The following TMX2 variants were observed in gnomAD, a reference collection of about 807,000 sequenced individuals.
TMX2 encodes thioredoxin related transmembrane protein 2, also known as thioredoxin-related transmembrane protein 2.
A neutral mutation model predicts 33.4 loss-of-function variants in TMX2; 20 were observed. The observed-to-expected ratio is 0.60, with a 90% CI of 0.42 to 0.87. TMX2 has a LOEUF of 0.87. TMX2 is among the 40% of genes least tolerant of loss of function. The probability of loss-of-function intolerance (pLI) is 0.00; values close to 1 mark genes in which losing one functional copy is unlikely to be tolerated. For synonymous variants in TMX2, 166 were observed against 140.7 expected (o/e 1.18, Z -1.27); for missense variants, 340 against 370.7 (o/e 0.92, Z 0.68).
Position 57,739,002 on chromosome 11 carries a change from A to T in TMX2, c.577A>T (p.Lys193Ter). The T allele has an allele frequency of 6.2e-7, 1 of 1,613,992 alleles. No homozygotes were observed. Among genetic ancestry groups the T allele is most frequent in the Non-Finnish European group, 8.5e-7 (1 of 1,179,998 alleles). ...KYNCTGLNFG[K>*]VDVGRYTDVS... is the part of the protein sequence containing the mutation. ...CAACTGTACAGGGCTAAATTTTGGG[A>T]AGGTGGATGTTGGACGCTATACTGA... Residue 193 changes from lysine to a stop codon, truncating the protein, a stop_gained, in exon 6 of 8, where the codon AAG becomes TAG. Transcript: ENST00000278422. LOFTEE classifies it high-confidence loss of function.
intron 1 of TMX2, among the ~76,000 whole-genome samples, chr11:57,737,170 G>A (rs554888864): frequency 6.6e-6 from 1 of 152,268 alleles, no homozygotes; most frequent in Admixed American, 6.5e-5. Context: ...GCGGTGGCTC[G>A]TGCCTGTAAT....
At position 57,732,555 on chromosome 11, in the gene TMX2, T is replaced by C. The variant is rs1052244704; in HGVS notation, c.190-5053T>C. Among the ~76,000 whole-genome samples the C allele has an allele frequency of 1.6e-4, 25 of 152,334 alleles. 1 individual carries two copies. The highest frequency in any genetic ancestry group is 1.3e-3 in the East Asian group (7 of 5,196). ...AAGTTCATTTACCTGTATACTCTTA[T>C]CTAATATGCAAAATGCTGGAAGTTT... On this transcript the variant is annotated intron_variant, in intron 1 of 7. Coordinates refer to ENST00000278422, the MANE Select transcript of TMX2 (RefSeq NM_015959.4).
intron 1 of TMX2, among the ~76,000 whole-genome samples, chr11:57,729,126 A>G (rs1218041213): frequency 6.6e-6 from 1 of 152,120 alleles, no homozygotes; most frequent in East Asian, 1.9e-4. Context: ...CTAAGGAGAA[A>G]AAAAAAAGGC....
chr11:57,723,968 A>G (rs576991314), intron 1 of TMX2, among the ~76,000 whole-genome samples: 64 of 151,878 alleles, frequency 4.2e-4, no homozygotes, highest in South Asian at 1.9e-3. Flanking sequence ...AAAATAGTCA[A>G]TATAGGGGAA....
chr11:57,720,098 G>A (rs1420655604), intron 1 of TMX2, among the ~76,000 whole-genome samples: 2 of 147,190 alleles, frequency 1.4e-5, no homozygotes, highest in Non-Finnish European at 3.0e-5. Flanking sequence ...AAATCAGCCT[G>A]GCCAACGTGG....
In TMX2 at chr11:57,739,004, G is replaced by T. The variant is rs751057907; in HGVS notation, c.579G>T (p.Lys193Asn). 3.1e-6 allele frequency: 5 copies of T among 1,613,968 alleles called. No homozygotes were observed. The highest frequency in any genetic ancestry group is 4.2e-6 in the Non-Finnish European group (5 of 1,180,022). The change falls in exon 6 of 8, where the codon AAG becomes AAT. Residue 193 changes from lysine to asparagine, a missense_variant. Physicochemically the swap from Lys to Asn is moderately conservative, Grantham distance 94 (BLOSUM62 0). Coordinates refer to ENST00000278422, the MANE Select transcript of TMX2 (RefSeq NM_015959.4). ...KYNCTGLNFG[K>N]VDVGRYTDVS... ...ACTGTACAGGGCTAAATTTTGGGAA[G>T]GTGGATGTTGGACGCTATACTGATG...
At position 57,739,123 on chromosome 11, in the gene TMX2, C is replaced by T. The variant is rs759072926; in HGVS notation, c.615-8C>T. On this transcript the variant is annotated splice_region_variant and splice_polypyrimidine_tract_variant and intron_variant, in intron 6 of 7. Coordinates refer to ENST00000278422, the MANE Select transcript of TMX2 (RefSeq NM_015959.4). ...AGGGACATTTAGAGAACTTTCTGGG[C>T]CCTGCAGGTACAAAGTGAGCACATC... 2 of 1,614,130 alleles carry T rather than the reference C, an allele frequency of 1.2e-6. No homozygotes were observed. The highest frequency in any genetic ancestry group is 1.7e-6 in the Non-Finnish European group (2 of 1,180,016).
At chr11:57,715,581 G>GT (rs1355236642) in intron 1 of TMX2, among the ~76,000 whole-genome samples, 1 of 82,970 alleles carries the variant, frequency 1.2e-5, no homozygotes, top group African/African-American at 5.4e-5. Flanking sequence ...CTTAGAATTT[G>GT]TTTTCTTTTT....
At position 57,737,723 on chromosome 11, in the gene TMX2, G is replaced by C. The variant is rs1948838827; in HGVS notation, c.250+55G>C. On this transcript the variant is annotated intron_variant, in intron 2 of 7. Coordinates refer to ENST00000278422, the MANE Select transcript of TMX2 (RefSeq NM_015959.4). ...GTTAGATCTAATGCCCTTTGGAGGTGCTTTGCTTCATGTTAAGAGAGTGGC... is the reference window on the plus strand; with the variant it reads ...GTTAGATCTAATGCCCTTTGGAGGTCCTTTGCTTCATGTTAAGAGAGTGGC... 1.9e-6 allele frequency: 3 copies of C among 1,580,788 alleles called. No homozygotes were observed. The Admixed American group carries it at 5.0e-5, about 26-fold the overall frequency.
At position 57,714,122 on chromosome 11, in the gene TMX2, T is replaced by C. The variant is rs116555302; in HGVS notation, c.189+1315T>C. Among the ~76,000 whole-genome samples the C allele has an allele frequency of 6.5e-3, 986 of 152,310 alleles. 9 individuals are homozygous for C. The highest frequency in any genetic ancestry group is 0.023 in the African/African-American group (948 of 41,562). On this transcript the variant is annotated intron_variant, in intron 1 of 7. Transcript: ENST00000278422. ...TGGGGTGTGAGTCCCTGGTCTTCTTTATTTCCTTTGTCTGAAACTTCCTTA... is the reference window on the plus strand; with the variant it reads ...TGGGGTGTGAGTCCCTGGTCTTCTTCATTTCCTTTGTCTGAAACTTCCTTA...
At chr11:57,738,106 A>G in intron 3 of TMX2, 80 bp downstream of exon 3, 2 of 1,156,880 alleles carry the variant, frequency 1.7e-6, no homozygotes, top group South Asian at 1.5e-5. Context: ...CACAGTCCCA[A>G]CAGTTGCAAT....
At chr11:57,725,097 G>C (rs1947894989) in intron 1 of TMX2, among the ~76,000 whole-genome samples, 2 of 151,966 alleles carry the variant, frequency 1.3e-5, no homozygotes, top group African/African-American at 4.8e-5. Flanking sequence ...CTAATTGGGG[G>C]ATGTTTTCCC....
Position 57,720,441 on chromosome 11 carries a change from C to T in TMX2, c.189+7634C>T, listed in dbSNP as rs189894292. Among the ~76,000 whole-genome samples the T allele has an allele frequency of 4.6e-5, 7 of 152,292 alleles. No individual in the cohort carries two copies. The East Asian group carries it at 7.7e-4, about 17-fold the overall frequency. ...TTTTTGAAACAGAGTCTTGCTCTATCGCCCAGGCTGGAGTGCTTTAGCATG... is the reference window on the plus strand; with the variant it reads ...TTTTTGAAACAGAGTCTTGCTCTATTGCCCAGGCTGGAGTGCTTTAGCATG... On this transcript the variant is annotated intron_variant, in intron 1 of 7. Transcript: ENST00000278422.
chr11:57,735,767 G>A (rs1948715862), intron 1 of TMX2, among the ~76,000 whole-genome samples: 2 of 152,298 alleles, frequency 1.3e-5, no homozygotes, highest in Admixed American at 6.5e-5. Context: ...TTCAAAAGTG[G>A]CAATGTTAAC....
At chr11:57,721,114 C>A (rs947347733) in intron 1 of TMX2, among the ~76,000 whole-genome samples, 1 of 150,950 alleles carries the variant, frequency 6.6e-6, no homozygotes, top group Non-Finnish European at 1.5e-5. Context: ...CCAGCCTGGG[C>A]AATACAGTGA....
rs1416383199 is a variant in TMX2, at chr11:57,738,032, G to A, written c.364+6G>A. 1 of 1,570,804 alleles carries A rather than the reference G, an allele frequency of 6.4e-7. No homozygotes were observed. Among genetic ancestry groups the A allele is most frequent in the Non-Finnish European group, 8.6e-7 (1 of 1,162,294 alleles). On this transcript the variant is annotated splice_donor_region_variant and intron_variant, in intron 3 of 7. Coordinates refer to ENST00000278422, the MANE Select transcript of TMX2 (RefSeq NM_015959.4). ...TTACATCACACTCTGCATAGGTGAG[G>A]AGACTGCCTTTCTTTCTTTTTTTTT...
chr11:57,717,564 G>A (rs1324825948), intron 1 of TMX2, among the ~76,000 whole-genome samples: 6 of 152,082 alleles, frequency 3.9e-5, no homozygotes, highest in Non-Finnish European at 5.9e-5. Context: ...CCAGTCAGGC[G>A]TGGTGGCGCT....
At chr11:57,722,072 T>G (rs1947670415) in intron 1 of TMX2, among the ~76,000 whole-genome samples, 1 of 152,198 alleles carries the variant, frequency 6.6e-6, no homozygotes, top group African/African-American at 2.4e-5. Context: ...CGCAGTTCAC[T>G]ACAGCCTCAA....
At chr11:57,724,759 G>A (rs1478487941) in intron 1 of TMX2, among the ~76,000 whole-genome samples, 2 of 152,108 alleles carry the variant, frequency 1.3e-5, no homozygotes, top group Non-Finnish European at 2.9e-5. Context: ...GTACTATAAG[G>A]CTGGGCATGG....
Sources: gnomAD v4.1 joint callset for allele counts (sites outside exome capture counted in the v4.1 genomes callset) on GRCh38, gnomAD v4.1.1 for gene constraint, MANE v1.5 for transcripts, NCBI Gene and HGNC (gene_info 2026-07-23, HGNC 2026-07-21) for gene names.